The following RIN3 variants were observed in gnomAD, a reference collection of about 807,000 sequenced individuals.
RIN3 encodes the protein RAB5 interacting protein 3.
A neutral mutation model predicts 76.3 loss-of-function variants in RIN3; 54 were observed. That is an observed-to-expected ratio of 0.71 (90% CI 0.57 to 0.89). RIN3 has a LOEUF of 0.89. Among genes scored for constraint, RIN3 ranks in the 40% least tolerant of loss-of-function variants. The probability of loss-of-function intolerance (pLI) is 0.00; values close to 1 mark genes in which losing one functional copy is unlikely to be tolerated. For missense variants in RIN3, 1,256 were observed against 1,322.1 expected, an observed-to-expected ratio of 0.95 and a Z score of 0.78; for synonymous variants, 576 against 564.0, an observed-to-expected ratio of 1.02 and a Z score of -0.30.
chr14:92,626,351 G>A lies in RIN3; in HGVS notation c.440+10872G>A, dbSNP rs1027028262. Among the ~76,000 whole-genome samples the A allele has an allele frequency of 2.0e-4, 30 of 152,180 alleles. No homozygotes were observed. In the East Asian group the frequency reaches 4.2e-3, roughly 22 times the overall value. On this transcript the variant is annotated intron_variant, in intron 4 of 9. Coordinates refer to ENST00000216487, the MANE Select transcript of RIN3 (RefSeq NM_024832.5). ...GGATACCCAGGATGGACATTAATTCGACCCAGGTATATAACTGGGGGCCTA... is the reference window on the plus strand; with the variant it reads ...GGATACCCAGGATGGACATTAATTCAACCCAGGTATATAACTGGGGGCCTA...
rs922245530 is a variant in RIN3, at chr14:92,682,937, G to A, written c.2468-2050G>A. Among the ~76,000 whole-genome samples the A allele has an allele frequency of 3.3e-5, 5 of 152,136 alleles. No individual in the cohort carries two copies. The South Asian group carries it at 1.0e-3, about 31-fold the overall frequency. On this transcript the variant is annotated intron_variant, in intron 8 of 9. Coordinates refer to ENST00000216487, the MANE Select transcript of RIN3 (RefSeq NM_024832.5). ...TCCCAGCTCTTTGGGAGGCCAAGGC[G>A]GGTGGATCACTTGAGCTCAGGAGTT...
chr14:92,645,766 C>A (rs1887175875), intron 5 of RIN3, among the ~76,000 whole-genome samples: 1 of 152,126 alleles, frequency 6.6e-6, no homozygotes, highest in African/African-American at 2.4e-5. Context: ...TTGGCCTGGA[C>A]AACATGGTGA....
At chr14:92,622,775 C>T (rs971986521) in intron 4 of RIN3, among the ~76,000 whole-genome samples, 6 of 152,138 alleles carry the variant, frequency 3.9e-5, no homozygotes, top group Non-Finnish European at 8.8e-5. Flanking sequence ...AGAGGGAGGG[C>T]TGATAGATGA....
At chr14:92,617,595 A>G (rs917970467) in intron 4 of RIN3, among the ~76,000 whole-genome samples, 1 of 152,230 alleles carries the variant, frequency 6.6e-6, no homozygotes, top group African/African-American at 2.4e-5. Context: ...CAACAGGGAA[A>G]CTATCACTAT....
At chr14:92,521,227 A>G (rs1037215249) in intron 1 of RIN3, among the ~76,000 whole-genome samples, 4 of 151,166 alleles carry the variant, frequency 2.6e-5, no homozygotes, top group African/African-American at 9.8e-5. Flanking sequence ...CCACGCTTCT[A>G]TCCATCCATT....
At chr14:92,584,034 C>G (rs1054933831) in intron 3 of RIN3, among the ~76,000 whole-genome samples, 1 of 152,182 alleles carries the variant, frequency 6.6e-6, no homozygotes, top group Non-Finnish European at 1.5e-5. Flanking sequence ...CTACCAGTTC[C>G]CTGGCCCAGG....
rs183506045 is a variant in RIN3, at chr14:92,621,614, G to A, written c.440+6135G>A. Among the ~76,000 whole-genome samples the A allele has an allele frequency of 3.3e-5, 5 of 152,312 alleles. No homozygotes were observed. The East Asian group carries it at 9.6e-4, about 29-fold the overall frequency. On this transcript the variant is annotated intron_variant, in intron 4 of 9. Transcript: ENST00000216487. ...ATGGTTGACAATTGATTGAGTTTTTGTCTAAGGACCTGGGATCAATAGAAA... is the reference window on the plus strand; with the variant it reads ...ATGGTTGACAATTGATTGAGTTTTTATCTAAGGACCTGGGATCAATAGAAA...
At chr14:92,635,966 A>G (rs550110939) in intron 4 of RIN3, among the ~76,000 whole-genome samples, 1 of 152,338 alleles carries the variant, frequency 6.6e-6, no homozygotes, top group Admixed American at 6.5e-5. Context: ...GCTAAAAACA[A>G]GTAGTCTAGG....
intron 3 of RIN3, among the ~76,000 whole-genome samples, chr14:92,582,649 C>G (rs532288215): frequency 2.0e-5 from 3 of 152,182 alleles, no homozygotes; most frequent in African/African-American, 7.2e-5. Flanking sequence ...AACCAGGTTT[C>G]ACCATGTTGG....
intron 3 of RIN3, among the ~76,000 whole-genome samples, chr14:92,595,234 A>G (rs1566859491): frequency 6.6e-6 from 1 of 152,136 alleles, no homozygotes; most frequent in East Asian, 1.9e-4. Context: ...GAAAAAAGAG[A>G]GGGTTGCAGG....
At chr14:92,549,169 C>A (rs1480404271) in intron 1 of RIN3, among the ~76,000 whole-genome samples, 1 of 152,178 alleles carries the variant, frequency 6.6e-6, no homozygotes, top group Non-Finnish European at 1.5e-5. Context: ...TCCTGTAGAC[C>A]CCCTTTGTCT....
chr14:92,515,148 C>T, intron 1 of RIN3: 1 of 676,564 alleles, frequency 1.5e-6, no homozygotes, highest in Non-Finnish European at 2.7e-6. Flanking sequence ...CCCTTCTTCT[C>T]CCTCCATCCT....
At chr14:92,644,172 C>T (rs1015235231) in intron 5 of RIN3, among the ~76,000 whole-genome samples, 25 of 152,214 alleles carry the variant, frequency 1.6e-4, no homozygotes, top group African/African-American at 5.8e-4. Flanking sequence ...TTCTACTGCT[C>T]CTCAGCTGCA....
intron 7 of RIN3, among the ~76,000 whole-genome samples, chr14:92,661,862 G>A (rs1409091390): frequency 6.6e-6 from 1 of 152,220 alleles, no homozygotes; most frequent in Non-Finnish European, 1.5e-5. Context: ...AGAGAGGGTT[G>A]TAGTAGAAGC....
At chr14:92,525,339 G>T (rs1896701267) in intron 1 of RIN3, among the ~76,000 whole-genome samples, 1 of 152,218 alleles carries the variant, frequency 6.6e-6, no homozygotes, top group African/African-American at 2.4e-5. Context: ...AGGGACAGTG[G>T]CTCTTCCTGG....
intron 3 of RIN3, among the ~76,000 whole-genome samples, chr14:92,614,655 A>C (rs908213362): frequency 6.6e-6 from 1 of 151,892 alleles, no homozygotes; most frequent in Non-Finnish European, 1.5e-5. Context: ...AATAAGGCTC[A>C]CGAGATCTGA....
At chr14:92,634,740 T>G (rs949003817) in intron 4 of RIN3, among the ~76,000 whole-genome samples, 2 of 151,702 alleles carry the variant, frequency 1.3e-5, no homozygotes, top group Non-Finnish European at 1.5e-5. Flanking sequence ...CACCTGTAAT[T>G]CCAGCTGCTT....
intron 5 of RIN3, among the ~76,000 whole-genome samples, chr14:92,641,731 T>C (rs1162509427): frequency 6.6e-6 from 1 of 152,128 alleles, no homozygotes; most frequent in African/African-American, 2.4e-5. Context: ...TGAACTTGAG[T>C]GTGGCCCTTG....
chr14:92,596,574 A>G (rs1460762497), intron 3 of RIN3, among the ~76,000 whole-genome samples: 1 of 152,184 alleles, frequency 6.6e-6, no homozygotes, highest in Non-Finnish European at 1.5e-5. Context: ...GGAGTTAATA[A>G]TCAATCCTTT....
Sources: allele counts gnomAD v4.1 joint callset (sites outside exome capture counted in the v4.1 genomes callset), GRCh38; gene constraint gnomAD v4.1.1; transcripts MANE v1.5; gene names NCBI Gene and HGNC (gene_info 2026-07-23, HGNC 2026-07-21).